Variants in ABLIM1 observed in about 807,000 individuals in gnomAD.
The protein encoded by ABLIM1 is actin binding LIM protein 1, also known as actin-binding LIM protein 1.
Under a neutral mutation model 107.0 loss-of-function variants are expected in ABLIM1, and 40 were observed. The observed-to-expected ratio is 0.37, with a 90% confidence interval of 0.29 to 0.49. ABLIM1 has a LOEUF of 0.49. ABLIM1 is among the 20% of genes least tolerant of loss of function. The pLI, the probability that ABLIM1 is intolerant of heterozygous loss-of-function variation, is 0.97. For missense variants in ABLIM1, 857 were observed against 1,008.5 expected (o/e 0.85, Z 2.04); for synonymous variants, 357 against 357.3 (o/e 1.00, Z 0.01).
At chr10:114,639,976 C>G (rs913698047) in intron 1 of ABLIM1, among the ~76,000 whole-genome samples, 1 of 152,164 alleles carries the variant, frequency 6.6e-6, no homozygotes, top group Non-Finnish European at 1.5e-5. Flanking sequence ...TCCACTCAAA[C>G]CAGGATGCTT....
At chr10:114,493,889 C>G (rs1295991399) in intron 6 of ABLIM1, among the ~76,000 whole-genome samples, 1 of 152,194 alleles carries the variant, frequency 6.6e-6, no homozygotes, top group Non-Finnish European at 1.5e-5. Flanking sequence ...TCTCTATAGA[C>G]CTTGACAGGC....
At chr10:114,652,670 A>G (rs149617297) in intron 1 of ABLIM1, among the ~76,000 whole-genome samples, 45 of 152,330 alleles carry the variant, frequency 3.0e-4, no homozygotes, top group African/African-American at 9.9e-4. Context: ...CTGACAACAT[A>G]ATCACTGAAT....
rs191737749 is a variant in ABLIM1 at position 114,621,161 on chromosome 10, A to G, written c.245-19200T>C. On this transcript the variant is annotated intron_variant, in intron 1 of 22. Coordinates refer to ENST00000533213, the MANE Select transcript of ABLIM1 (RefSeq NM_002313.7). ...CCATCCTCTTTTTATCCACTATTGC[A>G]TTCCTGTTCATCCTTCAAAGCCCAA... Among the ~76,000 whole-genome samples the G allele has an allele frequency of 6.3e-3, 953 of 152,200 alleles. 3 individuals are homozygous for G. Among genetic ancestry groups the G allele is most frequent in the Middle Eastern group, 0.02 (6 of 294 alleles).
chr10:114,766,859 T>C (rs1165506400), intron 1 of ABLIM1, among the ~76,000 whole-genome samples: 1 of 152,232 alleles, frequency 6.6e-6, no homozygotes, highest in Non-Finnish European at 1.5e-5. Context: ...TTTTTCGTTC[T>C]CTAATATACG....
In ABLIM1 at chr10:114,758,962, T is replaced by C. The variant is rs540128230; in HGVS notation, c.-213+9099A>G. On this transcript the variant is annotated intron_variant, in intron 1 of 15. Transcript: ENST00000651092. ...GGACTAATTGTGTTTATTTAAAATA[T>C]GAATAATAATAATTATGCATGTTCA... 3.3e-5 allele frequency among the ~76,000 whole-genome samples: 5 copies of C among 152,306 alleles called. No homozygotes were observed. In the South Asian group the frequency reaches 6.2e-4, roughly 19 times the overall value.
chr10:114,564,790 A>G (rs984974022), intron 4 of ABLIM1, among the ~76,000 whole-genome samples: 2 of 152,170 alleles, frequency 1.3e-5, no homozygotes, highest in East Asian at 1.9e-4. Flanking sequence ...CAGAGCCCAC[A>G]CTGTCAACCG....
upstream of ABLIM1, among the ~76,000 whole-genome samples, chr10:114,769,407 AAAGAAAGAAAAGAAGG>A: frequency 7.9e-6 from 1 of 127,256 alleles, no homozygotes; most frequent in East Asian, 2.3e-4. Flanking sequence ...GAAAAGAAAG[AAAGAAAGAAAAGAAGG>A]AAAGAAAGAA....
At chr10:114,791,772 C>A in the ABLIM1 span, among the ~76,000 whole-genome samples, 1 of 152,056 alleles carries the variant, frequency 6.6e-6, no homozygotes, top group Admixed American at 6.6e-5. Flanking sequence ...ATACAGAATA[C>A]ATGAAGACCC....
At chr10:114,531,194 G>A (rs1445526615) in intron 6 of ABLIM1, among the ~76,000 whole-genome samples, 1 of 152,180 alleles carries the variant, frequency 6.6e-6, no homozygotes, top group Non-Finnish European at 1.5e-5. Flanking sequence ...CATTCAAACA[G>A]GAAGCTGTAA....
In ABLIM1 at chr10:114,722,956, T is replaced by C. The variant is rs1266718488; in HGVS notation, c.-213+45105A>G. Among the ~76,000 whole-genome samples the C allele has an allele frequency of 2.0e-5, 3 of 152,220 alleles. No individual in the cohort carries two copies. The East Asian group carries it at 5.8e-4, about 29-fold the overall frequency. ...TTCTGTAATCATGGCTGGATGTGTA[T>C]ATAGCTCGCTTGCAGACTGAGCACA... On this transcript the variant is annotated intron_variant, in intron 1 of 15. Transcript: ENST00000651092.
intron 1 of ABLIM1, among the ~76,000 whole-genome samples, chr10:114,750,673 C>T (rs906868609): frequency 6.6e-6 from 1 of 152,146 alleles, no homozygotes; most frequent in Non-Finnish European, 1.5e-5. Flanking sequence ...AATGCCATCC[C>T]TTTTTTATGA....
chr10:114,632,308 G>T (rs1478682289), intron 1 of ABLIM1: 7 of 985,302 alleles, frequency 7.1e-6, no homozygotes, highest in African/African-American at 1.7e-5. Context: ...GCTCCCGAAC[G>T]CTGGCCCCCT....
intron 1 of ABLIM1, among the ~76,000 whole-genome samples, chr10:114,746,717 G>A (rs2082393144): frequency 6.6e-6 from 1 of 152,080 alleles, no homozygotes; most frequent in Non-Finnish European, 1.5e-5. Context: ...CCTCACCAAC[G>A]CTCATCTTCT....
chr10:114,608,476 C>A (rs1354621682), intron 1 of ABLIM1, among the ~76,000 whole-genome samples: 3 of 152,018 alleles, frequency 2.0e-5, no homozygotes, highest in Non-Finnish European at 4.4e-5. Context: ...TCGTGATCAG[C>A]CTGACCAACA....
chr10:114,513,809 C>T lies in ABLIM1; in HGVS notation c.895-21931G>A, dbSNP rs577554482. 3.3e-5 allele frequency among the ~76,000 whole-genome samples: 5 copies of T among 152,338 alleles called. No individual in the cohort carries two copies. The East Asian group carries it at 9.6e-4, about 29-fold the overall frequency. ...ATGCCAACACTACCAAGAAATCTAT[C>T]TTTTGCCAGAGAGATAGCAAGGATT... On this transcript the variant is annotated intron_variant, in intron 6 of 22. Coordinates refer to ENST00000533213, the MANE Select transcript of ABLIM1 (RefSeq NM_002313.7).
intron 1 of ABLIM1, among the ~76,000 whole-genome samples, chr10:114,711,698 G>A (rs956556201): frequency 6.6e-6 from 1 of 152,188 alleles, no homozygotes; most frequent in African/African-American, 2.4e-5. Context: ...AGAGGCAAGG[G>A]GTGGAGTCGA....
intron 1 of ABLIM1, among the ~76,000 whole-genome samples, chr10:114,652,010 G>A (rs1362746056): frequency 2.6e-5 from 4 of 152,142 alleles, no homozygotes; most frequent in African/African-American, 9.7e-5. Flanking sequence ...CGGGTCTGAG[G>A]GCAGGAACCA....
In ABLIM1 at chr10:114,690,373, G is replaced by A. The variant is rs549103265; in HGVS notation, c.-213+77688C>T. Reference sequence around the variant, plus strand: ...AAGATGCCAGGACCTGTATGCTTTAGGATGAAGTTCTCATCATCAAATTTC... The same window carrying A: ...AAGATGCCAGGACCTGTATGCTTTAAGATGAAGTTCTCATCATCAAATTTC... On this transcript the variant is annotated intron_variant, in intron 1 of 15. Transcript: ENST00000651092. 14 of 1,605,000 alleles carry A rather than the reference G, an allele frequency of 8.7e-6. No individual in the cohort carries two copies. In the East Asian group the frequency reaches 2.7e-4, roughly 31 times the overall value.
chr10:114,715,202 G>C (rs2081635952), intron 1 of ABLIM1, among the ~76,000 whole-genome samples: 1 of 152,090 alleles, frequency 6.6e-6, no homozygotes, highest in Non-Finnish European at 1.5e-5. Context: ...TCCCAGACAG[G>C]CTAAGGGCCA....
Sources: gnomAD v4.1 joint callset for allele counts (sites outside exome capture counted in the v4.1 genomes callset) on GRCh38, gnomAD v4.1.1 for gene constraint, MANE v1.5 for transcripts, NCBI Gene and HGNC (gene_info 2026-07-23, HGNC 2026-07-21) for gene names.